The following NCOA1 variants were observed in gnomAD, a reference collection of about 807,000 sequenced individuals.
The protein encoded by NCOA1 is nuclear receptor coactivator 1.
NCOA1 carries 35 observed loss-of-function variants against 150.9 expected under a neutral mutation model. The ratio of observed to expected loss-of-function variants is 0.23; its 90% CI spans 0.18 to 0.31. The LOEUF (loss-of-function observed/expected upper bound fraction) is 0.31. Ranked by LOEUF, NCOA1 falls within the 10% of genes least tolerant of loss-of-function variation. The pLI, the probability that NCOA1 is intolerant of heterozygous loss-of-function variation, is 1.00. For synonymous variants in NCOA1, 590 were observed against 630.0 expected (o/e 0.94, Z 0.95); for missense variants, 1,491 against 1,749.3 (o/e 0.85, Z 2.63).
At chr2:24,516,791 A>G (rs1572371753) in intron 1 of NCOA1, among the ~76,000 whole-genome samples, 1 of 139,084 alleles carries the variant, frequency 7.2e-6, no homozygotes, top group Admixed American at 7.3e-5. Flanking sequence ...TCTGGCCTTC[A>G]TTCCAATGTA....
chr2:24,589,537 C>T (rs1221564271), intron 3 of NCOA1, among the ~76,000 whole-genome samples: 2 of 152,082 alleles, frequency 1.3e-5, no homozygotes, highest in African/African-American at 2.4e-5. Flanking sequence ...ATCTCACATT[C>T]CTTCTCAATC....
intron 1 of NCOA1, among the ~76,000 whole-genome samples, chr2:24,531,874 G>C (rs1197312729): frequency 6.6e-6 from 1 of 152,140 alleles, no homozygotes; most frequent in African/African-American, 2.4e-5. Flanking sequence ...CATTCGGGTT[G>C]GTTCCAAGTC....
intron 14 of NCOA1, among the ~76,000 whole-genome samples, chr2:24,722,678 G>T (rs1036959817): frequency 1.3e-4 from 20 of 151,976 alleles, no homozygotes; most frequent in African/African-American, 4.8e-4. Context: ...AACATTCTGG[G>T]ATAATTTTTT....
intron 1 of NCOA1, among the ~76,000 whole-genome samples, chr2:24,547,841 T>C (rs897030750): frequency 1.3e-5 from 2 of 151,864 alleles, no homozygotes; most frequent in East Asian, 1.9e-4. Context: ...ACAAAAAAAT[T>C]AGCCAAGCCT....
intron 5 of NCOA1, among the ~76,000 whole-genome samples, chr2:24,664,088 C>G (rs917419457): frequency 6.6e-6 from 1 of 152,164 alleles, no homozygotes; most frequent in African/African-American, 2.4e-5. Context: ...TGTGAGGTTG[C>G]AGAGCTGAGG....
chr2:24,705,203 C>G lies in NCOA1; in HGVS notation c.1067C>G (p.Pro356Arg). 6.2e-7 allele frequency: 1 copy of G among 1,613,990 alleles called. No homozygotes were observed. Among genetic ancestry groups the G allele is most frequent in the Non-Finnish European group, 8.5e-7 (1 of 1,179,878 alleles). ...TACCCTCAAAGTCCAGACATGCAAC[C>G]TTTCATCATGGGAATTCATATCATC... The part of the protein sequence containing the change: ...LCYPQSPDMQ[P>R]FIMGIHIIDR... Residue 356 changes from proline to arginine, a missense_variant, in exon 12 of 23, where the codon CCT becomes CGT. Pro to Arg is a moderately radical substitution (Grantham distance 103, BLOSUM62 -2). This residue lies in a region of NCOA1 where 703 missense variants were observed against 717.7 expected (regional missense o/e 0.98). Transcript: ENST00000348332.
At chr2:24,571,410 G>A (rs974780868) in intron 2 of NCOA1, among the ~76,000 whole-genome samples, 2 of 152,160 alleles carry the variant, frequency 1.3e-5, no homozygotes, top group Admixed American at 6.5e-5. Context: ...CAGTTTTACT[G>A]TATAGTGCTT....
chr2:24,521,780 A>T (rs72803288), intron 1 of NCOA1, among the ~76,000 whole-genome samples: 7,800 of 152,166 alleles, frequency 0.051, 288 homozygotes, highest in East Asian at 0.2. Context: ...GATAACTCTG[A>T]TTTTAATTTT....
At chr2:24,620,829 T>C (rs144117735) in intron 3 of NCOA1, among the ~76,000 whole-genome samples, 187 of 152,328 alleles carry the variant, frequency 1.2e-3, no homozygotes, top group South Asian at 6.2e-3. Flanking sequence ...TTGTAGCTTA[T>C]ATATAAAGAA....
At chr2:24,752,760 G>A (rs1195623593) in intron 20 of NCOA1, among the ~76,000 whole-genome samples, 12 of 152,242 alleles carry the variant, frequency 7.9e-5, no homozygotes, top group South Asian at 4.1e-4. Flanking sequence ...CACTTTTCTC[G>A]ATGTATTTAA....
intron 9 of NCOA1, among the ~76,000 whole-genome samples, chr2:24,692,685 T>TG (rs753432556): frequency 1.2e-4 from 18 of 152,224 alleles, no homozygotes; most frequent in Non-Finnish European, 5.9e-5. Context: ...GTACATGAGA[T>TG]GCATCTCTCT....
intron 3 of NCOA1, among the ~76,000 whole-genome samples, chr2:24,640,217 A>G (rs895551959): frequency 6.6e-5 from 10 of 151,846 alleles, no homozygotes; most frequent in African/African-American, 2.2e-4. Context: ...AACGTGTTAT[A>G]TAAAAAATGG....
intron 3 of NCOA1, among the ~76,000 whole-genome samples, chr2:24,622,395 C>T (rs1669208483): frequency 6.6e-6 from 1 of 152,130 alleles, no homozygotes; most frequent in African/African-American, 2.4e-5. Context: ...GCTGTGATAA[C>T]CAAAAATGCC....
chr2:24,560,315 G>C (rs139887156), intron 1 of NCOA1, among the ~76,000 whole-genome samples: 1 of 152,150 alleles, frequency 6.6e-6, no homozygotes, highest in Admixed American at 6.5e-5. Flanking sequence ...TCTTTCCTTG[G>C]AGGAGTTATC....
intron 1 of NCOA1, among the ~76,000 whole-genome samples, chr2:24,531,519 C>T (rs978304901): frequency 1.3e-5 from 2 of 152,020 alleles, no homozygotes; most frequent in Admixed American, 1.3e-4. Flanking sequence ...AGGTTTGTTA[C>T]ATAGGTATAC....
rs141880318 is a variant in NCOA1, at chr2:24,693,283, G to T, written c.744G>T (p.Arg248=). ...AGTCATGTCTGATTTGTATTGCACG[G>T]CGATTACCTCGGCCTCCAGCTATTA... The part of the protein sequence containing the change: ...DFQSCLICIA[R]RLPRPPAITG... The change falls in exon 10 of 23, where the codon CGG becomes CGT. Residue 248 remains arginine, a synonymous_variant. Transcript: ENST00000348332. 2.0e-5 allele frequency: 33 copies of T among 1,613,916 alleles called. No individual in the cohort carries two copies. In the East Asian group the frequency reaches 7.1e-4, roughly 35 times the overall value.
intron 21 of NCOA1, among the ~76,000 whole-genome samples, chr2:24,760,461 CT>C (rs945406377): frequency 2.0e-5 from 3 of 151,566 alleles, no homozygotes; most frequent in Non-Finnish European, 4.4e-5. Context: ...CCGGCCTTGG[CT>C]TTAACATTTT....
chr2:24,660,240 T>C (rs1671120169), intron 5 of NCOA1, among the ~76,000 whole-genome samples: 1 of 152,190 alleles, frequency 6.6e-6, no homozygotes, highest in Non-Finnish European at 1.5e-5. Context: ...AGAATAAATA[T>C]CTTTTACATT....
chr2:24,655,283 G>A (rs1670882388), intron 4 of NCOA1, among the ~76,000 whole-genome samples: 1 of 152,032 alleles, frequency 6.6e-6, no homozygotes, highest in Admixed American at 6.6e-5. Flanking sequence ...ATATTACCAA[G>A]GATTTTATTT....
Sources: allele counts gnomAD v4.1 joint callset (sites outside exome capture counted in the v4.1 genomes callset), GRCh38; gene constraint gnomAD v4.1.1; regional missense constraint gnomAD v4.1.1; transcripts MANE v1.5; gene names NCBI Gene and HGNC (gene_info 2026-07-23, HGNC 2026-07-21).